TXNDC5: variants seen among roughly 807,000 people sequenced by gnomAD.
TXNDC5 encodes the protein thioredoxin domain containing 5, also known as thioredoxin domain-containing protein 5.
A neutral mutation model predicts 52.6 loss-of-function variants in TXNDC5; 44 were observed. The ratio of observed to expected loss-of-function variants is 0.84; its 90% CI spans 0.66 to 1.08. The LOEUF (loss-of-function observed/expected upper bound fraction) is 1.08, where lower values mean the gene tolerates loss of function less well. Ranked by LOEUF, TXNDC5 falls within the 50% of genes least tolerant of loss-of-function variation. The probability of loss-of-function intolerance (pLI) is 0.00; values close to 1 mark genes in which losing one functional copy is unlikely to be tolerated. For missense variants in TXNDC5, 600 were observed against 565.5 expected (o/e 1.06, Z -0.62); for synonymous variants, 241 against 234.4 (o/e 1.03, Z -0.26).
intron 7 of TXNDC5, 44 bp downstream of exon 7, chr6:7,888,661 G>T: frequency 1.3e-6 from 2 of 1,571,128 alleles, no homozygotes; most frequent in Non-Finnish European, 1.7e-6. Context: ...GGGGCCGGGG[G>T]CCACGGGCCA....
Position 7,885,973 on chromosome 6 carries a change from A to G in TXNDC5, c.1034T>C (p.Phe345Ser). Residue 345 changes from phenylalanine to serine, a missense_variant, in exon 8 of 10, where the codon TTT becomes TCT. Coordinates refer to ENST00000379757, the MANE Select transcript of TXNDC5 (RefSeq NM_030810.5). Reference sequence around the variant, plus strand: ...AACAGCCACTTACCATGGAGCATAAAACTTGATGAAGGTTATTCCTTCTGC... The same window carrying G: ...AACAGCCACTTACCATGGAGCATAAGACTTGATGAAGGTTATTCCTTCTGC... Reference protein sequence around the residue: ...TIAEGITFIKFYAPWCGHCKT... With the variant: ...TIAEGITFIKSYAPWCGHCKT... 6.2e-7 allele frequency: 1 copy of G among 1,614,136 alleles called. No individual in the cohort carries two copies. The highest frequency in any genetic ancestry group is 8.5e-7 in the Non-Finnish European group (1 of 1,180,016).
intron 1 of TXNDC5, chr6:7,909,851 G>A: frequency 1.0e-6 from 1 of 986,010 alleles, no homozygotes; most frequent in Non-Finnish European, 1.2e-6. Context: ...CCTCTGGAAG[G>A]GGACGTGCCC....
intron 3 of TXNDC5, 114 bp from the exon 4 acceptor site, chr6:7,895,316 A>T (rs1655051439): frequency 3.5e-6 from 3 of 864,358 alleles, no homozygotes; most frequent in Non-Finnish European, 5.4e-6. Flanking sequence ...TCACCCAACA[A>T]CCTGGAACCC....
rs373039433 is a variant in TXNDC5 at position 7,882,526 on chromosome 6, G to A, written c.*618C>T. On this transcript the variant is annotated 3_prime_UTR_variant, in exon 10 of 10. Coordinates refer to ENST00000379757, the MANE Select transcript of TXNDC5 (RefSeq NM_030810.5). ...ATCAGCATTCTCTTACTCAGGCACGGTCAGAAGTAACGCTGCTTTCATCAC... is the reference window on the plus strand; with the variant it reads ...ATCAGCATTCTCTTACTCAGGCACGATCAGAAGTAACGCTGCTTTCATCAC... 3.3e-5 allele frequency: 5 copies of A among 152,560 alleles called. 1 individual carries two copies. The highest frequency in any genetic ancestry group is 6.5e-5 in the Admixed American group (1 of 15,324). The allele number at this position is 152,560 out of a possible 1,614,324, so 9.5% of individuals were successfully genotyped here.
chr6:7,900,553 G>A (rs1168715990), intron 2 of TXNDC5, among the ~76,000 whole-genome samples: 1 of 152,186 alleles, frequency 6.6e-6, no homozygotes, highest in Non-Finnish European at 1.5e-5. Flanking sequence ...CCCAATGTAC[G>A]GTATCAGAAT....
intron 3 of TXNDC5, among the ~76,000 whole-genome samples, 199 bp downstream of exon 3, chr6:7,899,377 T>C (rs2113353842): frequency 6.6e-6 from 1 of 152,348 alleles, no homozygotes; most frequent in Non-Finnish European, 1.5e-5. Context: ...CATTTAGGTA[T>C]TTCCACACCA....
chr6:7,883,343 T>TAC, intron 9 of TXNDC5, 77 bp from the exon 10 acceptor site: 3 of 1,599,190 alleles, frequency 1.9e-6, no homozygotes, highest in South Asian at 2.2e-5. Context: ...TAAAACCAGA[T>TAC]ACACTCCTAC....
chr6:7,887,026 C>T (rs1253118308), intron 7 of TXNDC5, among the ~76,000 whole-genome samples: 2 of 152,186 alleles, frequency 1.3e-5, no homozygotes, highest in Non-Finnish European at 2.9e-5. Context: ...CCTTTGTAAC[C>T]ACCATGACAC....
At chr6:7,883,398 A>G (rs1327085427) in intron 9 of TXNDC5, 132 bp from the exon 10 acceptor site, 20 of 1,321,810 alleles carry the variant, frequency 1.5e-5, no homozygotes, top group African/African-American at 1.5e-5. Context: ...AAAGGTGTAT[A>G]TTCCATTAAA....
Position 7,910,697 on chromosome 6 carries a change from C to A in TXNDC5, c.80G>T (p.Gly27Val). 9.1e-7 allele frequency: 1 copy of A among 1,100,024 alleles called. No homozygotes were observed. Among genetic ancestry groups the A allele is most frequent in the South Asian group, 4.0e-5 (1 of 24,692 alleles). 68.1% of individuals were successfully genotyped at this position (1,100,024 alleles called of 1,614,324 possible). A position where few individuals can be genotyped will look rare whatever the true frequency, so the allele number is the denominator to read the frequency against. Residue 27 changes from glycine (G) to valine (V), a missense_variant, in exon 1 of 10, where the codon GGC (glycine) becomes GTC (valine). Physicochemically the swap from Gly to Val is moderately radical, Grantham distance 109 (BLOSUM62 -3). Transcript: ENST00000379757. ...ALTALLLLLL[G>V]HGGGGRWGAR... ...GCCCCAGCGCCCGCCGCCGCCATGG[C>A]CCAGCAGCAGCAGCAGCAGCGCAGT... is the stretch of plus-strand genomic sequence containing the variant.
chr6:7,904,556 C>T lies in TXNDC5; in HGVS notation c.413+18G>A, dbSNP rs78576726. The T allele has an allele frequency of 1.2e-3, 1,919 of 1,612,968 alleles. 22 individuals carry two copies. In the African/African-American group the frequency reaches 0.023, roughly 19 times the overall value. On this transcript the variant is annotated intron_variant, in intron 2 of 9. Transcript: ENST00000379757. ...CCAGGAGCCACCTAGGAAGTGTGCC[C>T]CCTTCCTTCCAACTTACGTGGGGTA...
At position 7,882,373 on chromosome 6, in the gene TXNDC5, C is replaced by T. The variant is rs1465131113; in HGVS notation, c.*771G>A. The T allele has an allele frequency of 1.3e-5, 2 of 152,200 alleles. No homozygotes were observed. The highest frequency in any genetic ancestry group is 2.9e-5 in the Non-Finnish European group (2 of 68,050). The allele number at this position is 152,200 out of a possible 1,614,324, so 9.4% of individuals were successfully genotyped here. On this transcript the variant is annotated 3_prime_UTR_variant, in exon 10 of 10. Transcript: ENST00000379757. ...GCCTACCCTTTCTAAGGAAGACATC[C>T]AACAGTTCATGTGGGCTCTGGCTTC... is the stretch of plus-strand genomic sequence containing the variant.
intron 6 of TXNDC5, chr6:7,889,091 A>G: frequency 2.0e-6 from 1 of 506,928 alleles, no homozygotes; most frequent in Admixed American, 3.8e-5. Flanking sequence ...AGTCTGGGGC[A>G]GAGGCCTGCC....
intron 6 of TXNDC5, 137 bp downstream of exon 6, chr6:7,889,358 T>G: frequency 1.5e-6 from 1 of 677,992 alleles, no homozygotes; most frequent in South Asian, 2.4e-5. Context: ...GACGTTTGTT[T>G]CATTATACAC....
At chr6:7,898,129 C>T (rs1229003289) in intron 3 of TXNDC5, among the ~76,000 whole-genome samples, 1 of 151,888 alleles carries the variant, frequency 6.6e-6, no homozygotes, top group Non-Finnish European at 1.5e-5. Flanking sequence ...GGCATGATCT[C>T]GCCTCACTGC....
At chr6:7,893,542 G>A (rs561889289) in intron 4 of TXNDC5, among the ~76,000 whole-genome samples, 5 of 152,298 alleles carry the variant, frequency 3.3e-5, no homozygotes, top group South Asian at 2.1e-4. Context: ...TAGGCCTGCC[G>A]GAGTCGGTCT....
chr6:7,887,002 T>C (rs1415040478), intron 7 of TXNDC5, among the ~76,000 whole-genome samples: 10 of 152,210 alleles, frequency 6.6e-5, no homozygotes, highest in African/African-American at 1.9e-4. Context: ...ATAATTATAC[T>C]CAATTTGGGA....
chr6:7,887,501 T>TCTC (rs5874120), intron 7 of TXNDC5, among the ~76,000 whole-genome samples: 80,906 of 151,580 alleles, frequency 0.53, 24,357 homozygotes, highest in African/African-American at 0.8. Context: ...CCTCCCTCCC[T>TCTC]CTCCGCGCTG....
intron 1 of TXNDC5, chr6:7,909,692 G>A: frequency 1.2e-6 from 1 of 838,028 alleles, no homozygotes. Flanking sequence ...TGAGCTGCAG[G>A]GGGGCGGAGG....
Sources: gnomAD v4.1 joint callset for allele counts (sites outside exome capture counted in the v4.1 genomes callset) on GRCh38, gnomAD v4.1.1 for gene constraint, MANE v1.5 for transcripts, NCBI Gene and HGNC (gene_info 2026-07-23, HGNC 2026-07-21) for gene names.